ZFAND4: variants seen among roughly 807,000 people sequenced by gnomAD.
ZFAND4 encodes the protein AN1-type zinc finger protein 4.
Under a neutral mutation model 64.4 loss-of-function variants are expected in ZFAND4, and 43 were observed. That is an observed-to-expected ratio of 0.67 (90% CI 0.52 to 0.86). The LOEUF is 0.86. Among genes scored for constraint, ZFAND4 ranks in the 40% least tolerant of loss-of-function variants. The pLI, the probability that ZFAND4 is intolerant of heterozygous loss-of-function variation, is 0.00. For synonymous variants in ZFAND4, 296 were observed against 305.7 expected (o/e 0.97, Z 0.33); for missense variants, 929 against 859.8 (o/e 1.08, Z -1.01).
At chr10:45,653,089 TAAAG>T in intron 2 of ZFAND4, 30 bp from the exon 3 acceptor site, 1 of 1,516,444 alleles carries the variant, frequency 6.6e-7, no homozygotes, top group Non-Finnish European at 9.1e-7. Flanking sequence ...AAAAAAGTGT[TAAAG>T]AATTCAATAG....
intron 9 of ZFAND4, 118 bp downstream of exon 9, chr10:45,618,022 T>C (rs1165619390): frequency 8.6e-6 from 9 of 1,047,118 alleles, no homozygotes; most frequent in African/African-American, 1.6e-5. Flanking sequence ...TGAAGATAGC[T>C]ATTGAACATC....
In ZFAND4 at chr10:45,626,491, AT is replaced by A. The variant is rs777256910; in HGVS notation, c.1331del (p.His444LeufsTer6). 6.2e-7 allele frequency: 1 copy of A among 1,613,842 alleles called. No individual in the cohort carries two copies. The highest frequency in any genetic ancestry group is 1.1e-5 in the South Asian group (1 of 91,086). Reference protein sequence around the residue: ...GLKAPEQHLKHVAGVLNGESV... With the variant: ...GLKAPEQHLKXVAGVLNGESV... The stretch of plus-strand genomic sequence containing the variant: ...ATTCCCCATTCAGCACTCCTGCAAC[AT>A]GCTTGAGATGCTGCTCTGGAGCTTT... On this transcript the variant is annotated frameshift_variant, in exon 7 of 10. Transcript: ENST00000344646. LOFTEE classifies it high-confidence loss of function.
intron 5 of ZFAND4, chr10:45,640,470 A>G: frequency 8.5e-7 from 1 of 1,170,008 alleles, no homozygotes; most frequent in Non-Finnish European, 1.1e-6. Context: ...TCATCAGAAC[A>G]TTTTCTATTC....
At position 45,625,242 on chromosome 10, in the gene ZFAND4, G is replaced by A. The variant is rs111728853; in HGVS notation, c.1873-605C>T. ...AATCCCAGCACTTTGGGAGGCCCAG[G>A]CGGGTGGATCACGAGGTCAGGAGAT... On this transcript the variant is annotated intron_variant, in intron 7 of 9. Coordinates refer to ENST00000344646, the MANE Select transcript of ZFAND4 (RefSeq NM_174890.4). Among the ~76,000 whole-genome samples, 14 of 151,438 alleles carry A rather than the reference G, an allele frequency of 9.2e-5. 2 individuals carry two copies. Among genetic ancestry groups the A allele is most frequent in the African/African-American group, 2.9e-4 (12 of 41,326 alleles).
At chr10:45,631,412 TAA>T (rs1490671107) in intron 6 of ZFAND4, among the ~76,000 whole-genome samples, 2 of 139,970 alleles carry the variant, frequency 1.4e-5, no homozygotes, top group Non-Finnish European at 1.6e-5. Flanking sequence ...AATCCTGAAA[TAA>T]AAGACTTGAA....
chr10:45,624,236 C>T (rs2045634886), intron 8 of ZFAND4, among the ~76,000 whole-genome samples: 1 of 152,206 alleles, frequency 6.6e-6, no homozygotes, highest in African/African-American at 2.4e-5. Flanking sequence ...TGTTGAAAGA[C>T]ATCTTTCTAG....
At position 45,653,647 on chromosome 10, in the gene ZFAND4, A is replaced by G. The variant is rs569893374; in HGVS notation, c.185-588T>C. Reference sequence around the variant, plus strand: ...CAAGCTCACACCTGTCAGAATGGCTATTAATAAAAAGTCAAAAAATAACTG... The same window carrying G: ...CAAGCTCACACCTGTCAGAATGGCTGTTAATAAAAAGTCAAAAAATAACTG... On this transcript the variant is annotated intron_variant, in intron 2 of 9. Coordinates refer to ENST00000344646, the MANE Select transcript of ZFAND4 (RefSeq NM_174890.4). 3.9e-5 allele frequency among the ~76,000 whole-genome samples: 6 copies of G among 152,358 alleles called. No individual in the cohort carries two copies. The East Asian group carries it at 1.2e-3, about 29-fold the overall frequency.
chr10:45,656,842 C>T (rs1340521952), intron 2 of ZFAND4, among the ~76,000 whole-genome samples: 1 of 151,968 alleles, frequency 6.6e-6, no homozygotes, highest in Non-Finnish European at 1.5e-5. Flanking sequence ...TCTTTATCTA[C>T]CGTGAGAGGA....
At chr10:45,671,821 TAAAAA>T (rs199848014) in intron 1 of ZFAND4, among the ~76,000 whole-genome samples, 2 of 141,294 alleles carry the variant, frequency 1.4e-5, no homozygotes, top group African/African-American at 5.2e-5. Context: ...CCCTAGAACT[TAAAAA>T]AAAAAAAAAA....
rs1286409908 is a variant in ZFAND4 at position 45,672,629 on chromosome 10, C to A, written c.-497G>T. 6.6e-6 allele frequency: 1 copy of A among 151,906 alleles called. No individual in the cohort carries two copies. Among genetic ancestry groups the A allele is most frequent in the African/African-American group, 2.4e-5 (1 of 41,402 alleles). The allele number at this position is 151,906 out of a possible 1,614,324, so 9.4% of individuals were successfully genotyped here. A position where few individuals can be genotyped will look rare whatever the true frequency, so the allele number is the denominator to read the frequency against. The stretch of plus-strand genomic sequence containing the variant: ...GCGGCAGCGCGGCTGGGCTCAGCGG[C>A]TCGCAGCCCGGGCGCCCCCCCTGCC... On this transcript the variant is annotated 5_prime_UTR_variant, in exon 1 of 10. Transcript: ENST00000344646.
rs754293823 is a variant in ZFAND4, at chr10:45,627,024, G to A, written c.799C>T (p.Arg267Ter). 29 of 1,607,192 alleles carry A rather than the reference G, an allele frequency of 1.8e-5. No individual in the cohort carries two copies. Among genetic ancestry groups the A allele is most frequent in the Non-Finnish European group, 2.3e-5 (27 of 1,175,850 alleles). ...SSGSTAPSRHRLLRVLPNIGQ... is the reference protein window; with the variant it reads ...SSGSTAPSRH The stretch of plus-strand genomic sequence containing the variant: ...ATGTTGGGGAGGACCCTTAACAATC[G>A]GTGGCGAGATGGTGCAGTGGAACCA... Residue 267 changes from arginine (R) to a stop codon, truncating the protein, a stop_gained, in exon 7 of 10, where the codon CGA becomes TGA. Transcript: ENST00000344646. LOFTEE classifies it high-confidence loss of function.
At chr10:45,671,910 G>C (rs1460401576) in intron 1 of ZFAND4, among the ~76,000 whole-genome samples, 1 of 151,938 alleles carries the variant, frequency 6.6e-6, no homozygotes, top group Non-Finnish European at 1.5e-5. Flanking sequence ...TGAAATGGAA[G>C]TTAAAGGTAA....
intron 2 of ZFAND4, among the ~76,000 whole-genome samples, chr10:45,657,247 C>T (rs543020346): frequency 6.6e-6 from 1 of 152,254 alleles, no homozygotes; most frequent in Non-Finnish European, 1.5e-5. Context: ...AACTCCTGGA[C>T]TTGAGTGATC....
intron 9 of ZFAND4, 92 bp from the exon 10 acceptor site, chr10:45,616,663 C>T: frequency 1.5e-6 from 2 of 1,363,792 alleles, no homozygotes; most frequent in Non-Finnish European, 2.0e-6. Context: ...GGTAGTCCAA[C>T]AGGGGCCCTT....
intron 2 of ZFAND4, among the ~76,000 whole-genome samples, chr10:45,655,491 G>A (rs2048037500): frequency 6.6e-6 from 1 of 152,024 alleles, no homozygotes; most frequent in African/African-American, 2.4e-5. Context: ...CCCACAGCTA[G>A]CATTAGAAAA....
chr10:45,653,736 A>G (rs1036896706), intron 2 of ZFAND4, among the ~76,000 whole-genome samples: 1 of 152,260 alleles, frequency 6.6e-6, no homozygotes, highest in African/African-American at 2.4e-5. Flanking sequence ...AAATTAGTTC[A>G]GCCATTGTGG....
At chr10:45,645,817 A>G (rs889730169) in intron 5 of ZFAND4, among the ~76,000 whole-genome samples, 1 of 152,198 alleles carries the variant, frequency 6.6e-6, no homozygotes, top group Non-Finnish European at 1.5e-5. Flanking sequence ...ATTTCCAAAT[A>G]ATGTTCTATT....
chr10:45,636,834 A>G (rs922810344), intron 6 of ZFAND4, among the ~76,000 whole-genome samples: 25 of 152,066 alleles, frequency 1.6e-4, no homozygotes, highest in African/African-American at 5.8e-4. Context: ...TATCTGTTCC[A>G]TCGATTTTTG....
chr10:45,642,967 G>A (rs1190750692), intron 5 of ZFAND4, among the ~76,000 whole-genome samples: 2 of 141,732 alleles, frequency 1.4e-5, no homozygotes, highest in African/African-American at 5.4e-5. Flanking sequence ...GCCCAGGCTG[G>A]AGTGCAATGG....
Sources: allele counts gnomAD v4.1 joint callset (sites outside exome capture counted in the v4.1 genomes callset), GRCh38; gene constraint gnomAD v4.1.1; transcripts MANE v1.5; gene names NCBI Gene and HGNC (gene_info 2026-07-23, HGNC 2026-07-21).